POLR3B: variants seen among roughly 807,000 people sequenced by gnomAD.
The protein encoded by POLR3B is DNA-directed RNA polymerase III subunit RPC2.
In POLR3B, 96 loss-of-function variants were observed where a neutral mutation model predicts 147.4. The observed-to-expected ratio is 0.65, with a 90% CI of 0.55 to 0.77. POLR3B has a LOEUF of 0.77. Ranked by LOEUF, POLR3B falls within the 30% of genes least tolerant of loss-of-function variation. The pLI, the probability that POLR3B is intolerant of heterozygous loss-of-function variation, is 0.00. For synonymous variants in POLR3B, 461 were observed against 485.9 expected (o/e 0.95, Z 0.67); for missense variants, 1,036 against 1,413.5 (o/e 0.73, Z 4.28).
At chr12:106,479,101 C>T (rs2038225168) in intron 23 of POLR3B, among the ~76,000 whole-genome samples, 1 of 152,108 alleles carries the variant, frequency 6.6e-6, no homozygotes, top group Non-Finnish European at 1.5e-5. Context: ...GGCAATTGGA[C>T]ACCGTCGCAT....
At chr12:106,381,798 C>G (rs1593008460) in intron 9 of POLR3B, among the ~76,000 whole-genome samples, 1 of 152,236 alleles carries the variant, frequency 6.6e-6, no homozygotes, top group Non-Finnish European at 1.5e-5. Flanking sequence ...AGAATGGCTA[C>G]TCCATAGGCA....
intron 18 of POLR3B, among the ~76,000 whole-genome samples, chr12:106,440,516 T>C (rs2037635754): frequency 1.3e-5 from 2 of 152,156 alleles, no homozygotes; most frequent in South Asian, 4.1e-4. Context: ...TCAACCACAC[T>C]GGCCTCTTCT....
At chr12:106,462,215 G>A (rs900807374) in intron 22 of POLR3B, among the ~76,000 whole-genome samples, 5 of 152,146 alleles carry the variant, frequency 3.3e-5, no homozygotes, top group Admixed American at 1.3e-4. Context: ...CCTCCAGGCT[G>A]GTACCACTCA....
intron 12 of POLR3B, among the ~76,000 whole-genome samples, chr12:106,422,644 C>G (rs1227032019): frequency 6.6e-6 from 1 of 152,214 alleles, no homozygotes; most frequent in Non-Finnish European, 1.5e-5. Flanking sequence ...CATTTCCTCG[C>G]TGATCCAAAA....
At chr12:106,430,532 G>T in intron 14 of POLR3B, 59 bp downstream of exon 14, 1 of 1,362,544 alleles carries the variant, frequency 7.3e-7, no homozygotes, top group South Asian at 1.2e-5. Context: ...TCTGTGCATG[G>T]GGTGGGGTGG....
chr12:106,402,459 A>C (rs1229430949), intron 10 of POLR3B, among the ~76,000 whole-genome samples: 2 of 152,198 alleles, frequency 1.3e-5, no homozygotes, highest in Non-Finnish European at 1.5e-5. Flanking sequence ...GGAAAAAACT[A>C]CTTTAAAGTT....
At chr12:106,488,245 A>G (rs1179067162) in intron 23 of POLR3B, among the ~76,000 whole-genome samples, 1 of 152,246 alleles carries the variant, frequency 6.6e-6, no homozygotes, top group African/African-American at 2.4e-5. Context: ...GAGGTCAGTT[A>G]TATATCTTAT....
chr12:106,495,873 C>A lies in POLR3B; in HGVS notation c.2714-182C>A. 3 of 695,504 alleles carry A rather than the reference C, an allele frequency of 4.3e-6. No homozygotes were observed. The South Asian group carries it at 4.6e-5, about 11-fold the overall frequency. 43.1% of individuals were successfully genotyped at this position (695,504 alleles called of 1,614,324 possible). A position where few individuals can be genotyped will look rare whatever the true frequency, so the allele number is the denominator to read the frequency against. The stretch of plus-strand genomic sequence containing the variant: ...CTGCAGTGCCTTTCGCAAGGAGAGT[C>A]GTTTTTGAACTGTTTGTCAAGCAGG... On this transcript the variant is annotated intron_variant, in intron 23 of 27. Coordinates refer to ENST00000228347, the MANE Select transcript of POLR3B (RefSeq NM_018082.6).
At chr12:106,373,175 T>TA (rs1175681045) in intron 6 of POLR3B, among the ~76,000 whole-genome samples, 1 of 152,258 alleles carries the variant, frequency 6.6e-6, no homozygotes, top group Non-Finnish European at 1.5e-5. Context: ...TATCAATTAC[T>TA]ACAATAGGTA....
intron 23 of POLR3B, among the ~76,000 whole-genome samples, chr12:106,492,396 A>T (rs2038418054): frequency 6.6e-6 from 1 of 152,108 alleles, no homozygotes; most frequent in African/African-American, 2.4e-5. Flanking sequence ...AAAAAAAATT[A>T]AAAATTAGCT....
At chr12:106,443,968 G>A (rs575099758) in intron 18 of POLR3B, among the ~76,000 whole-genome samples, 1 of 152,190 alleles carries the variant, frequency 6.6e-6, no homozygotes, top group Non-Finnish European at 1.5e-5. Flanking sequence ...GCGACTACAG[G>A]TGGGTGCCAC....
At chr12:106,462,507 T>C (rs527354209) in intron 22 of POLR3B, among the ~76,000 whole-genome samples, 47 of 152,232 alleles carry the variant, frequency 3.1e-4, no homozygotes, top group Non-Finnish European at 5.9e-4. Context: ...CCCAAAGTGC[T>C]GGGATTACAG....
chr12:106,373,827 T>A (rs1036346943), intron 6 of POLR3B, among the ~76,000 whole-genome samples: 22 of 152,196 alleles, frequency 1.4e-4, no homozygotes, highest in Non-Finnish European at 2.9e-4. Flanking sequence ...TTAGATTTTT[T>A]AAAAAATTGT....
rs375679664 is a variant in POLR3B at position 106,504,714 on chromosome 12, G to A, written c.3272+460G>A. On this transcript the variant is annotated intron_variant, in intron 27 of 27. Coordinates refer to ENST00000228347, the MANE Select transcript of POLR3B (RefSeq NM_018082.6). The surrounding 1 kb of genome is among the most constrained non-coding windows in gnomAD (Gnocchi z 4.6). ...CAGAGCCAAGAGCCAAGACCAAGAC[G>A]ACCTGGTACCCTGCCCCCTTGTCTG... Among the ~76,000 whole-genome samples the A allele has an allele frequency of 2.7e-4, 41 of 152,308 alleles. No individual in the cohort carries two copies. The South Asian group carries it at 8.1e-3, about 30-fold the overall frequency.
In POLR3B at chr12:106,504,060, G is replaced by T. The variant is rs771376609; in HGVS notation, c.3099-21G>T. On this transcript the variant is annotated intron_variant, in intron 26 of 27. Transcript: ENST00000228347. This position sits in a 1 kb window ranked among gnomAD's most constrained non-coding sequence, Gnocchi z 4.6. ...TGTTTAACAGAATAATAACACATTT[G>T]TCTAATAACTTGTTTCAAAGGCAAC... The T allele has an allele frequency of 2.5e-6, 4 of 1,609,666 alleles. No homozygotes were observed. The highest frequency in any genetic ancestry group is 2.2e-5 in the South Asian group (2 of 90,998).
intron 9 of POLR3B, among the ~76,000 whole-genome samples, chr12:106,384,330 A>G (rs1406953763): frequency 1.3e-5 from 2 of 152,244 alleles, no homozygotes; most frequent in Non-Finnish European, 2.9e-5. Context: ...ATCAAGCAAA[A>G]TAAAAAAATA....
At chr12:106,424,311 G>A (rs528415888) in intron 12 of POLR3B, among the ~76,000 whole-genome samples, 4 of 152,256 alleles carry the variant, frequency 2.6e-5, no homozygotes, top group East Asian at 3.9e-4. Flanking sequence ...ATCCTATCCT[G>A]TATGTCTGAT....
At chr12:106,452,536 G>C (rs2037810609) in intron 19 of POLR3B, among the ~76,000 whole-genome samples, 1 of 152,120 alleles carries the variant, frequency 6.6e-6, no homozygotes, top group African/African-American at 2.4e-5. Flanking sequence ...CAGCCTGGTG[G>C]GACATTGCCT....
chr12:106,482,590 A>C, intron 23 of POLR3B, among the ~76,000 whole-genome samples: 1 of 152,226 alleles, frequency 6.6e-6, no homozygotes, highest in African/African-American at 2.4e-5. Context: ...GCGAGGGGGG[A>C]ATCCACCTCA....
Sources: allele counts gnomAD v4.1 joint callset (sites outside exome capture counted in the v4.1 genomes callset), GRCh38; gene constraint gnomAD v4.1.1; non-coding constraint Gnocchi (gnomAD v3.1); transcripts MANE v1.5; gene names NCBI Gene and HGNC (gene_info 2026-07-23, HGNC 2026-07-21).